Variants in MKLN1 observed in about 807,000 individuals in gnomAD.
MKLN1 encodes the protein muskelin.
A neutral mutation model predicts 99.0 loss-of-function variants in MKLN1; 18 were observed. The ratio of observed to expected loss-of-function variants is 0.18; its 90% CI spans 0.13 to 0.27. The LOEUF (loss-of-function observed/expected upper bound fraction) is 0.27, where lower values mean the gene tolerates loss of function less well. MKLN1 is among the 10% of genes least tolerant of loss of function. The probability of loss-of-function intolerance (pLI) is 1.00; values close to 1 mark genes in which losing one functional copy is unlikely to be tolerated. For synonymous variants in MKLN1, 288 were observed against 293.2 expected, an observed-to-expected ratio of 0.98 and a Z score of 0.18; for missense variants, 621 against 875.9, an observed-to-expected ratio of 0.71 and a Z score of 3.67.
intron 15 of MKLN1, among the ~76,000 whole-genome samples, chr7:131,468,318 A>G (rs1189835756): frequency 2.0e-5 from 3 of 152,244 alleles, no homozygotes; most frequent in African/African-American, 7.2e-5. Context: ...TTTGAGGGAC[A>G]TCGCTACATT....
intron 2 of MKLN1, among the ~76,000 whole-genome samples, chr7:131,377,827 A>G (rs1793709986): frequency 6.6e-6 from 1 of 152,214 alleles, no homozygotes. Context: ...CGGGTATTAC[A>G]TCAGATACCC....
At chr7:131,414,513 T>C in intron 7 of MKLN1, 132 bp from the exon 8 acceptor site, 1 of 534,238 alleles carries the variant, frequency 1.9e-6, no homozygotes, top group Admixed American at 3.3e-5. Context: ...TTATGAGTCC[T>C]TTTACTTATT....
intron 3 of MKLN1, among the ~76,000 whole-genome samples, chr7:131,230,949 C>T (rs1247147781): frequency 4.6e-5 from 7 of 151,584 alleles, no homozygotes; most frequent in Non-Finnish European, 1.0e-4. Flanking sequence ...GGTGAAACCC[C>T]GTCTCTACTA....
Position 131,132,869 on chromosome 7 carries a change from T to C in MKLN1, c.-418-9951T>C, listed in dbSNP as rs1470402226. ...TAAACCTGGGAGGCGGAGGTTGCAG[T>C]GGACCGAGATCAAGCCACTGCACTC... On this transcript the variant is annotated intron_variant, in intron 1 of 7. Transcript: ENST00000416992. Among the ~76,000 whole-genome samples, 7 of 128,862 alleles carry C rather than the reference T, an allele frequency of 5.4e-5. No individual in the cohort carries two copies. The East Asian group carries it at 1.7e-3, about 31-fold the overall frequency. 84.5% of individuals were successfully genotyped at this position (128,862 alleles called of 152,430 possible). A position where few individuals can be genotyped will look rare whatever the true frequency, so the allele number is the denominator to read the frequency against.
chr7:131,306,419 T>A (rs1798469408), intron 3 of MKLN1, among the ~76,000 whole-genome samples: 1 of 152,154 alleles, frequency 6.6e-6, no homozygotes, highest in East Asian at 1.9e-4. Flanking sequence ...CTGAGAGACT[T>A]GTTGAATGGT....
chr7:131,402,289 A>C (rs111830809), intron 6 of MKLN1, among the ~76,000 whole-genome samples: 1 of 152,164 alleles, frequency 6.6e-6, no homozygotes, highest in African/African-American at 2.4e-5. Context: ...CATCCATTCA[A>C]GTTTTATCAT....
chr7:131,431,975 C>T (rs1206881506), intron 9 of MKLN1, among the ~76,000 whole-genome samples: 1 of 152,168 alleles, frequency 6.6e-6, no homozygotes, highest in Admixed American at 6.5e-5. Flanking sequence ...TCAGACTTCA[C>T]TTTCTCTGTA....
rs370337684 is a variant in MKLN1 at position 131,230,366 on chromosome 7, T to A, written c.-179+27392T>A. Among the ~76,000 whole-genome samples, 37 of 152,268 alleles carry A rather than the reference T, an allele frequency of 2.4e-4. No homozygotes were observed. The East Asian group carries it at 6.2e-3, about 25-fold the overall frequency. On this transcript the variant is annotated intron_variant, in intron 3 of 7. Coordinates refer to the MKLN1 transcript ENST00000416992. Reference sequence around the variant, plus strand: ...AAGGGGGTCTGTTTAGTTGGAGGGCTTAGTATTTTATATTTGATTTACAAA... The same window carrying A: ...AAGGGGGTCTGTTTAGTTGGAGGGCATAGTATTTTATATTTGATTTACAAA...
intron 12 of MKLN1, among the ~76,000 whole-genome samples, chr7:131,463,011 A>C (rs772003122): frequency 1.8e-4 from 28 of 152,112 alleles, no homozygotes; most frequent in Non-Finnish European, 4.0e-4. Context: ...AGTCCCAGCT[A>C]CTTGGGAGGC....
chr7:131,283,409 C>G (rs565759248), intron 3 of MKLN1, among the ~76,000 whole-genome samples: 6 of 129,412 alleles, frequency 4.6e-5, no homozygotes, highest in African/African-American at 1.8e-4. Flanking sequence ...TCCTCTCTCT[C>G]TCTTTACTGC....
Position 131,444,763 on chromosome 7 carries a change from A to AGT in MKLN1, c.1396-1011_1396-1010insGT, listed in dbSNP as rs1795953961. Reference sequence around the variant, plus strand: ...GTAGTAGTAGTAGTAGTAGTAGAAGAAGTAGTAGTAGTAGTAGTAGTAGTA... The same window carrying AGT: ...GTAGTAGTAGTAGTAGTAGTAGAAGAGTAGTAGTAGTAGTAGTAGTAGTAGTA... On this transcript the variant is annotated intron_variant, in intron 11 of 17. Coordinates refer to ENST00000352689, the MANE Select transcript of MKLN1 (RefSeq NM_013255.5). Among the ~76,000 whole-genome samples the AGT allele has an allele frequency of 8.1e-4, 95 of 117,928 alleles. No individual in the cohort carries two copies. The Middle Eastern group carries it at 0.013, about 17-fold the overall frequency. The allele number at this position is 117,928 out of a possible 152,430, so 77.4% of individuals were successfully genotyped here. A position where few individuals can be genotyped will look rare whatever the true frequency, so the allele number is the denominator to read the frequency against.
At chr7:131,457,180 G>A (rs1288514244) in intron 12 of MKLN1, among the ~76,000 whole-genome samples, 1 of 151,814 alleles carries the variant, frequency 6.6e-6, no homozygotes, top group Admixed American at 6.6e-5. Context: ...GGGAGGCTGA[G>A]ACAGGAGAAT....
chr7:131,276,027 G>A (rs73153443), intron 3 of MKLN1, among the ~76,000 whole-genome samples: 8,562 of 152,274 alleles, frequency 0.056, 345 homozygotes, highest in South Asian at 0.16. Flanking sequence ...AGGGGAAGAA[G>A]GGAGGTGCTA....
intron 1 of MKLN1, among the ~76,000 whole-genome samples, chr7:131,367,503 C>T (rs1800215628): frequency 6.6e-6 from 1 of 152,036 alleles, no homozygotes; most frequent in African/African-American, 2.4e-5. Context: ...GTGTTGTGGT[C>T]ACAATCGCTT....
chr7:131,466,210 A>G (rs891146410), intron 14 of MKLN1, 66 bp from the exon 15 acceptor site: 5 of 1,212,600 alleles, frequency 4.1e-6, no homozygotes, highest in Middle Eastern at 2.0e-4. Context: ...CCTGTTATGC[A>G]CTGCTACTAG....
intron 1 of MKLN1, among the ~76,000 whole-genome samples, chr7:131,119,509 T>A (rs1795328282): frequency 6.6e-6 from 1 of 152,224 alleles, no homozygotes; most frequent in East Asian, 1.9e-4. Context: ...AGTGCTCTAG[T>A]GGGGACTTTG....
intron 3 of MKLN1, among the ~76,000 whole-genome samples, chr7:131,217,691 C>T (rs1458204129): frequency 2.0e-5 from 3 of 152,220 alleles, no homozygotes; most frequent in African/African-American, 7.2e-5. Flanking sequence ...GAGTGAAACT[C>T]TGTCTCAAAA....
chr7:131,205,125 G>A (rs1796790619), intron 3 of MKLN1, among the ~76,000 whole-genome samples: 2 of 151,816 alleles, frequency 1.3e-5, no homozygotes, highest in African/African-American at 4.8e-5. Context: ...AGAAAAAGCT[G>A]CAAGTTAAAT....
chr7:131,154,305 C>T (rs1795933324), intron 2 of MKLN1, among the ~76,000 whole-genome samples: 1 of 152,194 alleles, frequency 6.6e-6, no homozygotes, highest in Non-Finnish European at 1.5e-5. Flanking sequence ...TGGTCTCGAA[C>T]TCCTAACCTC....
Sources: allele counts gnomAD v4.1 joint callset (sites outside exome capture counted in the v4.1 genomes callset), GRCh38; gene constraint gnomAD v4.1.1; transcripts MANE v1.5; gene names NCBI Gene and HGNC (gene_info 2026-07-23, HGNC 2026-07-21).